AMBRA1: variants seen among roughly 807,000 people sequenced by gnomAD.
The protein encoded by AMBRA1 is activating molecule in BECN1-regulated autophagy protein 1.
A neutral mutation model predicts 125.4 loss-of-function variants in AMBRA1; 47 were observed. The observed-to-expected ratio is 0.37, with a 90% CI of 0.30 to 0.48. The LOEUF is 0.48. Among genes scored for constraint, AMBRA1 ranks in the 20% least tolerant of loss-of-function variants. AMBRA1 has a pLI of 0.99. For missense variants in AMBRA1, 1,331 were observed against 1,693.4 expected, an observed-to-expected ratio of 0.79 and a Z score of 3.76; for synonymous variants, 626 against 655.5, an observed-to-expected ratio of 0.95 and a Z score of 0.69.
intron 7 of AMBRA1, among the ~76,000 whole-genome samples, chr11:46,524,102 G>A (rs1225128172): frequency 1.3e-5 from 2 of 152,042 alleles, no homozygotes; most frequent in South Asian, 2.1e-4. Context: ...TCCTGACCTC[G>A]GGTGATCCGC....
chr11:46,484,998 C>T (rs1443545332), intron 11 of AMBRA1, among the ~76,000 whole-genome samples: 2 of 150,296 alleles, frequency 1.3e-5, no homozygotes, highest in Non-Finnish European at 3.0e-5. Context: ...AGTGCAATGG[C>T]GCGATCTCAG....
At chr11:46,485,874 A>T (rs1308512277) in intron 11 of AMBRA1, among the ~76,000 whole-genome samples, 1 of 152,198 alleles carries the variant, frequency 6.6e-6, no homozygotes. Flanking sequence ...CAATAAGCAC[A>T]CTTCTCACTA....
chr11:46,480,872 G>T (rs1047180931), intron 11 of AMBRA1, among the ~76,000 whole-genome samples: 6 of 152,166 alleles, frequency 3.9e-5, no homozygotes, highest in African/African-American at 1.2e-4. Flanking sequence ...TCTCCTTTAC[G>T]TATAGAGACC....
chr11:46,454,730 G>A (rs1948775796), intron 11 of AMBRA1, among the ~76,000 whole-genome samples: 1 of 151,844 alleles, frequency 6.6e-6, no homozygotes, highest in Non-Finnish European at 1.5e-5. Flanking sequence ...CAGCCTGGGT[G>A]ACAGAGCGAG....
intron 11 of AMBRA1, among the ~76,000 whole-genome samples, chr11:46,482,845 C>G (rs939840318): frequency 2.6e-5 from 4 of 151,966 alleles, no homozygotes; most frequent in African/African-American, 9.7e-5. Flanking sequence ...CCCATCTCTA[C>G]TAAAAATACA....
chr11:46,517,732 G>A (rs1951562028), intron 7 of AMBRA1, among the ~76,000 whole-genome samples: 2 of 150,388 alleles, frequency 1.3e-5, no homozygotes, highest in South Asian at 2.1e-4. Context: ...TTGGGAGGCT[G>A]AGGCAGGAGA....
At position 46,575,553 on chromosome 11, in the gene AMBRA1, G is replaced by A. The variant is rs558957548; in HGVS notation, c.-121+18275C>T. On this transcript the variant is annotated intron_variant, in intron 1 of 17. Transcript: ENST00000683756. ...TTTTTTTGAGACAGAGTCTCACTCC[G>A]TCACCCAGGCTGGAGTACAATGGTA... 6.8e-5 allele frequency among the ~76,000 whole-genome samples: 8 copies of A among 118,298 alleles called. No individual in the cohort carries two copies. In the East Asian group the frequency reaches 7.2e-4, roughly 11 times the overall value. 77.6% of individuals were successfully genotyped at this position (118,298 alleles called of 152,430 possible).
intron 7 of AMBRA1, among the ~76,000 whole-genome samples, chr11:46,531,513 C>A (rs1404374221): frequency 6.6e-6 from 1 of 151,680 alleles, no homozygotes; most frequent in Non-Finnish European, 1.5e-5. Context: ...AGTTCAAGAC[C>A]AGCCCAGCCA....
chr11:46,397,185 A>ACC lies in AMBRA1; in HGVS notation c.*263_*264dup. On this transcript the variant is annotated 3_prime_UTR_variant, in exon 18 of 18. Coordinates refer to ENST00000683756, the MANE Select transcript of AMBRA1 (RefSeq NM_001387011.1). The stretch of plus-strand genomic sequence containing the variant: ...AGAAAGTGGGGTGCCTGGCAGAGAT[A>ACC]CCCACTTGTTCCTCTATTCACATTA... 1 of 362,662 alleles carries ACC rather than the reference A, an allele frequency of 2.8e-6. No homozygotes were observed. The highest frequency in any genetic ancestry group is 4.9e-6 in the Non-Finnish European group (1 of 205,534). The allele number at this position is 362,662 out of a possible 1,614,324, so 22.5% of individuals were successfully genotyped here.
At chr11:46,593,365 A>G (rs1295000941) in intron 1 of AMBRA1, among the ~76,000 whole-genome samples, 3 of 152,158 alleles carry the variant, frequency 2.0e-5, no homozygotes, top group Non-Finnish European at 2.9e-5. Flanking sequence ...AGGCGAGAAC[A>G]TAACACTTCG....
chr11:46,531,855 C>T (rs1952231720), intron 7 of AMBRA1, among the ~76,000 whole-genome samples: 1 of 152,192 alleles, frequency 6.6e-6, no homozygotes, highest in Non-Finnish European at 1.5e-5. Flanking sequence ...AGGTGGCTCA[C>T]GCCTGTAATC....
chr11:46,461,334 A>G (rs549647884), intron 11 of AMBRA1, among the ~76,000 whole-genome samples: 1 of 152,340 alleles, frequency 6.6e-6, no homozygotes, highest in South Asian at 2.1e-4. Context: ...ATAACTATTA[A>G]ATTTTGGTTG....
At chr11:46,592,625 G>GC in intron 1 of AMBRA1, among the ~76,000 whole-genome samples, 1 of 152,180 alleles carries the variant, frequency 6.6e-6, no homozygotes, top group African/African-American at 2.4e-5. Context: ...GAGTGTGGTG[G>GC]CGCGCGCCGG....
intron 1 of AMBRA1, among the ~76,000 whole-genome samples, chr11:46,574,751 G>C (rs2043893208): frequency 6.6e-6 from 1 of 152,152 alleles, no homozygotes; most frequent in East Asian, 1.9e-4. Context: ...AGAATACTTT[G>C]AAAAATACTG....
In AMBRA1 at chr11:46,542,148, C is replaced by G. The variant is rs764096778; in HGVS notation, c.1869G>C (p.Glu623Asp). 6.2e-7 allele frequency: 1 copy of G among 1,613,794 alleles called. No individual in the cohort carries two copies. The highest frequency in any genetic ancestry group is 1.1e-5 in the South Asian group (1 of 91,066). Residue 623 changes from glutamate (E) to aspartate (D), a missense_variant, in exon 7 of 18, where the codon GAG becomes GAC. By Grantham distance (45) the Glu-to-Asp change is conservative (BLOSUM62 2). Around this residue, in one of 4 missense-constraint regions of AMBRA1, gnomAD observed 689 missense variants for 776.5 expected, o/e 0.89. Transcript: ENST00000683756. The surrounding 1 kb of genome is among the most constrained non-coding windows in gnomAD (Gnocchi z 5.9). Reference sequence around the variant, plus strand: ...GCCTGCTGGAGCTGGGCGTTTGGCCCTCAGTCCGCTCGAGAGGTGGCAACT... The same window carrying G: ...GCCTGCTGGAGCTGGGCGTTTGGCCGTCAGTCCGCTCGAGAGGTGGCAACT... ...GSQLPPLERT[E>D]GQTPSSSRLE... is the part of the protein sequence containing the mutation.
chr11:46,406,408 G>A (rs1022417967), intron 17 of AMBRA1, among the ~76,000 whole-genome samples: 3 of 150,266 alleles, frequency 2.0e-5, no homozygotes, highest in African/African-American at 7.3e-5. Flanking sequence ...CGGGTGTGGT[G>A]GCTCACACCT....
intron 11 of AMBRA1, among the ~76,000 whole-genome samples, chr11:46,479,684 G>A (rs1220350438): frequency 2.0e-5 from 3 of 152,130 alleles, no homozygotes; most frequent in South Asian, 4.1e-4. Flanking sequence ...GCGACAGAGC[G>A]AGATTCCGTC....
chr11:46,585,721 T>TATATAA (rs2044372867), intron 1 of AMBRA1, among the ~76,000 whole-genome samples: 1 of 99,846 alleles, frequency 1.0e-5, no homozygotes. Flanking sequence ...TATATATATA[T>TATATAA]ATTCCTAGCT....
At chr11:46,520,246 T>G (rs1242947928) in intron 7 of AMBRA1, among the ~76,000 whole-genome samples, 1 of 152,124 alleles carries the variant, frequency 6.6e-6, no homozygotes, top group East Asian at 1.9e-4. Flanking sequence ...CTGAAAAAAT[T>G]TTAATACACA....
Sources: allele counts gnomAD v4.1 joint callset (sites outside exome capture counted in the v4.1 genomes callset), GRCh38; gene constraint gnomAD v4.1.1; regional missense constraint gnomAD v4.1.1; non-coding constraint Gnocchi (gnomAD v3.1); transcripts MANE v1.5; gene names NCBI Gene and HGNC (gene_info 2026-07-23, HGNC 2026-07-21).